Variants in FIBCD1 observed in about 807,000 individuals in gnomAD.
The protein encoded by FIBCD1 is fibrinogen C domain-containing protein 1.
In FIBCD1, 47 loss-of-function variants were observed where a neutral mutation model predicts 45.1. That is an observed-to-expected ratio of 1.04 (90% CI 0.82 to 1.33). The LOEUF (loss-of-function observed/expected upper bound fraction) is 1.33. FIBCD1 is among the 40% of genes most tolerant of loss of function. The pLI is 0.00. For synonymous variants in FIBCD1, 313 were observed against 308.1 expected (o/e 1.02, Z -0.17); for missense variants, 653 against 682.2 (o/e 0.96, Z 0.48).
chr9:130,938,311 C>T (rs1832552044), intron 1 of FIBCD1: 2 of 426,344 alleles, frequency 4.7e-6, no homozygotes, highest in Non-Finnish European at 8.4e-6. Flanking sequence ...AGACCTGGCC[C>T]GCAGCGCGCG....
At position 130,926,891 on chromosome 9, in the gene FIBCD1, T is replaced by C. The variant is rs966654905; in HGVS notation, c.553-2495A>G. On this transcript the variant is annotated intron_variant, in intron 2 of 6. Coordinates refer to ENST00000372338, the MANE Select transcript of FIBCD1 (RefSeq NM_032843.5). This position sits in a 1 kb window ranked among gnomAD's most constrained non-coding sequence, Gnocchi z 4.1. ...CAAATGTACTAACCTCCTGGCGTTA[T>C]GGGGCTGCAAAGTGCCTATTAACGC... Among the ~76,000 whole-genome samples the C allele has an allele frequency of 1.3e-5, 2 of 152,164 alleles. No individual in the cohort carries two copies. Among genetic ancestry groups the C allele is most frequent in the Non-Finnish European group, 2.9e-5 (2 of 68,028 alleles).
At chr9:130,931,341 C>T (rs1832445861) in intron 1 of FIBCD1, among the ~76,000 whole-genome samples, 1 of 152,164 alleles carries the variant, frequency 6.6e-6, no homozygotes, top group Non-Finnish European at 1.5e-5. Flanking sequence ...AACCCCATCT[C>T]TACTAAAAAT....
chr9:130,916,971 G>A (rs1191047565), intron 4 of FIBCD1, among the ~76,000 whole-genome samples: 7 of 152,164 alleles, frequency 4.6e-5, no homozygotes, highest in African/African-American at 1.2e-4. Flanking sequence ...GGTGGCAGGC[G>A]CCTTTAATCC....
In FIBCD1 at chr9:130,905,492, C is replaced by G. The variant is rs1831912103; in HGVS notation, c.947-79G>C. The stretch of plus-strand genomic sequence containing the variant: ...CCCAGGGAGAAATGATAAATGACAG[C>G]TGAGCTCATGCAGTTGGGGACAGAA... On this transcript the variant is annotated intron_variant, in intron 5 of 6. Coordinates refer to ENST00000372338, the MANE Select transcript of FIBCD1 (RefSeq NM_032843.5). The G allele has an allele frequency of 2.1e-6, 3 of 1,432,812 alleles. No homozygotes were observed. In the South Asian group the frequency reaches 4.1e-5, roughly 20 times the overall value. The allele number at this position is 1,432,812 out of a possible 1,614,324, so 88.8% of individuals were successfully genotyped here.
At position 130,923,854 on chromosome 9, in the gene FIBCD1, C is replaced by G; in HGVS notation, c.739G>C (p.Val247Leu). 6.2e-7 allele frequency: 1 copy of G among 1,612,746 alleles called. No individual in the cohort carries two copies. The highest frequency in any genetic ancestry group is 1.1e-5 in the South Asian group (1 of 91,058). ...TCGTCCTGCTGTCCGCTTAGGAGGACGTCCAGACAGTCTCGGGGCCGGGAG... is the reference window on the plus strand; with the variant it reads ...TCGTCCTGCTGTCCGCTTAGGAGGAGGTCCAGACAGTCTCGGGGCCGGGAG... ...TGSRPRDCLD[V>L]LLSGQQDDGV... Residue 247 changes from valine to leucine, a missense_variant, in exon 4 of 7, where the codon GTC (valine) becomes CTC (leucine). Coordinates refer to ENST00000372338, the MANE Select transcript of FIBCD1 (RefSeq NM_032843.5).
Position 130,904,044 on chromosome 9 carries a change from C to T in FIBCD1, c.*20G>A, listed in dbSNP as rs533191407. ...ATGGGGCGACAGGGACCAGCAGGGC[C>T]AAGGACAAGGTGCACCAGTCTAGCG... On this transcript the variant is annotated 3_prime_UTR_variant, in exon 7 of 7. Transcript: ENST00000372338. 5.5e-5 allele frequency: 89 copies of T among 1,610,614 alleles called. No individual in the cohort carries two copies. Among genetic ancestry groups the T allele is most frequent in the Non-Finnish European group, 7.3e-5 (86 of 1,179,128 alleles).
intron 4 of FIBCD1, among the ~76,000 whole-genome samples, chr9:130,914,129 C>T (rs1218386068): frequency 2.0e-5 from 3 of 152,120 alleles, no homozygotes; most frequent in Non-Finnish European, 4.4e-5. Flanking sequence ...CAGCAAGTGC[C>T]AGCTGGGTGG....
In FIBCD1 at chr9:130,903,864, A is replaced by G; in HGVS notation, c.*200T>C. 1.4e-6 allele frequency: 1 copy of G among 695,456 alleles called. No homozygotes were observed. The highest frequency in any genetic ancestry group is 2.6e-6 in the Non-Finnish European group (1 of 391,568). The allele number at this position is 695,456 out of a possible 1,614,324, so 43.1% of individuals were successfully genotyped here. ...AGGCAAGAGATCAGTGAGCTGCCAA[A>G]TGGAGGGGGTGGGGACGGCGAGAAG... is the stretch of plus-strand genomic sequence containing the variant. On this transcript the variant is annotated 3_prime_UTR_variant, in exon 7 of 7. Transcript: ENST00000372338.
intron 5 of FIBCD1, among the ~76,000 whole-genome samples, chr9:130,909,558 C>A (rs1831999128): frequency 6.6e-6 from 1 of 152,190 alleles, no homozygotes; most frequent in South Asian, 2.1e-4. Context: ...CACTTCCACA[C>A]AGGGAATTTT....
In FIBCD1 at chr9:130,926,465, C is replaced by G. The variant is rs1832361592; in HGVS notation, c.553-2069G>C. On this transcript the variant is annotated intron_variant, in intron 2 of 6. Coordinates refer to ENST00000372338, the MANE Select transcript of FIBCD1 (RefSeq NM_032843.5). The surrounding 1 kb of genome is among the most constrained non-coding windows in gnomAD (Gnocchi z 4.1). ...AGCTGCTGTCCCCGGCACTGCTTAG[C>G]TGTGTGAGTGAGCTTGCACACGCAC... is the stretch of plus-strand genomic sequence containing the variant. Among the ~76,000 whole-genome samples, 1 of 152,222 alleles carries G rather than the reference C, an allele frequency of 6.6e-6. No homozygotes were observed. The highest frequency in any genetic ancestry group is 2.1e-4 in the South Asian group (1 of 4,836).
At position 130,911,204 on chromosome 9, in the gene FIBCD1, G is replaced by A. The variant is rs567839448; in HGVS notation, c.946+588C>T. On this transcript the variant is annotated intron_variant, in intron 5 of 6. Coordinates refer to ENST00000372338, the MANE Select transcript of FIBCD1 (RefSeq NM_032843.5). ...TTCACTCCTGAGCCAGCTAGACCACGAACCCACCAGAAGGAAGAAACTCCG... is the reference window on the plus strand; with the variant it reads ...TTCACTCCTGAGCCAGCTAGACCACAAACCCACCAGAAGGAAGAAACTCCG... Among the ~76,000 whole-genome samples the A allele has an allele frequency of 5.9e-5, 9 of 152,252 alleles. No homozygotes were observed. The East Asian group carries it at 7.7e-4, about 13-fold the overall frequency.
chr9:130,912,416 A>G lies in FIBCD1; in HGVS notation c.850-528T>C, dbSNP rs965210823. Among the ~76,000 whole-genome samples the G allele has an allele frequency of 1.6e-4, 18 of 112,582 alleles. No individual in the cohort carries two copies. In the East Asian group the frequency reaches 1.7e-3, roughly 11 times the overall value. 73.9% of individuals were successfully genotyped at this position (112,582 alleles called of 152,430 possible). A position where few individuals can be genotyped will look rare whatever the true frequency, so the allele number is the denominator to read the frequency against. On this transcript the variant is annotated intron_variant, in intron 4 of 6. Transcript: ENST00000372338. ...TCAAAAAAAAAAAAAAAAAAAAAAA[A>G]GTGGGGTGGGCCGGGCACGGTGACT...
chr9:130,929,920 CAGGT>C lies in FIBCD1; in HGVS notation c.195_198del (p.Pro66SerfsTer53). ...GCGCTGGCAGCCCCAGTGCTGACGA[CAGGT>C]GGGGGCGCCGTGCCCGGCGCGTGGG... is the stretch of plus-strand genomic sequence containing the variant. On this transcript the variant is annotated frameshift_variant, in exon 2 of 7. Transcript: ENST00000372338. LOFTEE classifies it high-confidence loss of function. 2 of 1,549,122 alleles carry C rather than the reference CAGGT, an allele frequency of 1.3e-6. No individual in the cohort carries two copies. Among genetic ancestry groups the C allele is most frequent in the Non-Finnish European group, 1.7e-6 (2 of 1,146,336 alleles).
chr9:130,922,739 T>G lies in FIBCD1; in HGVS notation c.849+1005A>C, dbSNP rs1832283744. On this transcript the variant is annotated intron_variant, in intron 4 of 6. Transcript: ENST00000372338. This position sits in a 1 kb window ranked among gnomAD's most constrained non-coding sequence, Gnocchi z 4.5. ...ACACCCCCAGTAGCTCCCGACTGTG[T>G]GTCCCAACCCTGCAGCCTGGGGCTG... Among the ~76,000 whole-genome samples the G allele has an allele frequency of 6.6e-6, 1 of 152,064 alleles. No homozygotes were observed.
intron 4 of FIBCD1, among the ~76,000 whole-genome samples, chr9:130,923,164 C>T (rs1832290522): frequency 6.6e-6 from 1 of 152,202 alleles, no homozygotes; most frequent in Non-Finnish European, 1.5e-5. Context: ...GCGTCTGCCC[C>T]ATTCTCCCAG....
At chr9:130,904,888 AC>A (rs911172808) in intron 6 of FIBCD1, among the ~76,000 whole-genome samples, 1 of 152,216 alleles carries the variant, frequency 6.6e-6, no homozygotes, top group African/African-American at 2.4e-5. Context: ...GAAAAAACGA[AC>A]AGAAGATTCG....
chr9:130,911,924 G>C (rs201574586), intron 4 of FIBCD1, 36 bp from the exon 5 acceptor site: 23 of 1,535,026 alleles, frequency 1.5e-5, no homozygotes, highest in African/African-American at 9.6e-5. Context: ...CGTTGGCACC[G>C]ACCATCCCAG....
At chr9:130,904,379 G>A (rs915094816) in intron 6 of FIBCD1, 56 bp from the exon 7 acceptor site, 83 of 1,542,334 alleles carry the variant, frequency 5.4e-5, no homozygotes, top group Non-Finnish European at 7.1e-5. Context: ...ACCCACTGGT[G>A]TTGCATGTGT....
At chr9:130,925,923 C>G (rs969969859) in intron 2 of FIBCD1, among the ~76,000 whole-genome samples, 4 of 152,240 alleles carry the variant, frequency 2.6e-5, no homozygotes, top group Non-Finnish European at 5.9e-5. Flanking sequence ...TGATTCCCGG[C>G]TCGTCCAGAG....
Sources: gnomAD v4.1 joint callset for allele counts (sites outside exome capture counted in the v4.1 genomes callset) on GRCh38, gnomAD v4.1.1 for gene constraint, Gnocchi (gnomAD v3.1) non-coding constraint, MANE v1.5 for transcripts, NCBI Gene and HGNC (gene_info 2026-07-23, HGNC 2026-07-21) for gene names.